The following MTCH2 variants were observed in gnomAD, a reference collection of about 807,000 sequenced individuals.
MTCH2 encodes mitochondrial carrier homolog 2.
In MTCH2, 25 loss-of-function variants were observed where a neutral mutation model predicts 50.6. The observed-to-expected ratio is 0.49, with a 90% CI of 0.36 to 0.69. MTCH2 has a LOEUF of 0.69. Among genes scored for constraint, MTCH2 ranks in the 30% least tolerant of loss-of-function variants. The probability of loss-of-function intolerance (pLI) is 0.00; values close to 1 mark genes in which losing one functional copy is unlikely to be tolerated. For missense variants in MTCH2, 273 were observed against 384.4 expected (o/e 0.71, Z 2.42); for synonymous variants, 106 against 132.0 (o/e 0.80, Z 1.35).
At chr11:47,631,885 T>C (rs1257697598) in intron 5 of MTCH2, among the ~76,000 whole-genome samples, 174 bp from the exon 6 acceptor site, 1 of 152,188 alleles carries the variant, frequency 6.6e-6, no homozygotes, top group Non-Finnish European at 1.5e-5. Context: ...TCATTCATTG[T>C]CATTTTATCA....
In MTCH2 at chr11:47,628,876, C is replaced by T. The variant is rs2097300482; in HGVS notation, c.633+77G>A. 3.0e-6 allele frequency: 4 copies of T among 1,346,038 alleles called. No homozygotes were observed. The South Asian group carries it at 3.6e-5, about 12-fold the overall frequency. 83.4% of individuals were successfully genotyped at this position (1,346,038 alleles called of 1,614,324 possible). A position where few individuals can be genotyped will look rare whatever the true frequency, so the allele number is the denominator to read the frequency against. ...TACAGGTGTGAGCCACCTCGCCCGG[C>T]CCATCTTACTTTAAAAGCTAATCTA... On this transcript the variant is annotated intron_variant, in intron 9 of 12. Coordinates refer to ENST00000302503, the MANE Select transcript of MTCH2 (RefSeq NM_014342.4).
intron 11 of MTCH2, among the ~76,000 whole-genome samples, chr11:47,623,333 C>G (rs2097295012): frequency 7.3e-6 from 1 of 136,712 alleles, no homozygotes; most frequent in Non-Finnish European, 1.5e-5. Context: ...GATTGCACTA[C>G]TGCACTCCAG....
At chr11:47,626,988 T>C in intron 10 of MTCH2, 92 bp downstream of exon 10, 1 of 951,136 alleles carries the variant, frequency 1.1e-6, no homozygotes, top group Non-Finnish European at 1.6e-6. Context: ...TCTGGTTATC[T>C]TAAAGCAGTG....
chr11:47,635,073 G>A (rs551067695), intron 4 of MTCH2, among the ~76,000 whole-genome samples: 10 of 150,362 alleles, frequency 6.7e-5, no homozygotes, highest in Non-Finnish European at 1.5e-4. Context: ...ATGGGCGGCC[G>A]ATCTTGACGG....
chr11:47,630,944 T>C lies in MTCH2; in HGVS notation c.479+92A>G, dbSNP rs200883945. The C allele has an allele frequency of 4.7e-5, 49 of 1,051,384 alleles. No homozygotes were observed. The East Asian group carries it at 1.1e-3, about 23-fold the overall frequency. 65.1% of individuals were successfully genotyped at this position (1,051,384 alleles called of 1,614,324 possible). On this transcript the variant is annotated intron_variant, in intron 7 of 12. Coordinates refer to ENST00000302503, the MANE Select transcript of MTCH2 (RefSeq NM_014342.4). ...ATCAGATACGAATTTGTTCTACAAA[T>C]TGTAAGGGTATCATAAAAATACAAA...
At position 47,634,722 on chromosome 11, in the gene MTCH2, C is replaced by T. The variant is rs763053876; in HGVS notation, c.319G>A (p.Gly107Arg). 2 of 1,606,022 alleles carry T rather than the reference C, an allele frequency of 1.2e-6. No homozygotes were observed. Among genetic ancestry groups the T allele is most frequent in the Non-Finnish European group, 1.7e-6 (2 of 1,175,276 alleles). The part of the protein sequence containing the change: ...ESDKGEELGP[G>R]NVQKEVSSSF... ...GATGAGACTTCTTTCTGTACATTTC[C>T]AGGTCCTAACTCCTGGAAATCAAAA... Residue 107 changes from glycine to arginine, a missense_variant, in exon 5 of 13, where the codon GGA becomes AGA. By Grantham distance (125) the Gly-to-Arg change is moderately radical. Transcript: ENST00000302503.
chr11:47,624,688 C>T (rs1402780071), intron 11 of MTCH2, among the ~76,000 whole-genome samples: 1 of 152,104 alleles, frequency 6.6e-6, no homozygotes, highest in East Asian at 1.9e-4. Flanking sequence ...CTCCCAACTA[C>T]TTGGGAAGCT....
downstream of MTCH2, among the ~76,000 whole-genome samples, chr11:47,617,095 C>CT (rs1210753186): frequency 3.5e-4 from 54 of 152,324 alleles, 1 homozygote; most frequent in South Asian, 2.5e-3. Flanking sequence ...GTATAGGACT[C>CT]TGACTAGACC....
At chr11:47,634,529 T>G in intron 5 of MTCH2, 143 bp downstream of exon 5, 1 of 599,280 alleles carries the variant, frequency 1.7e-6, no homozygotes, top group Non-Finnish European at 2.9e-6. Flanking sequence ...ATGTTATACA[T>G]GTAGTAAAGC....
the MTCH2 span, among the ~76,000 whole-genome samples, chr11:47,606,425 C>G: frequency 1.3e-5 from 2 of 152,170 alleles, no homozygotes; most frequent in Admixed American, 1.3e-4. Context: ...CAGTTTATCA[C>G]GGACTTCACC....
intron 8 of MTCH2, 105 bp downstream of exon 8, chr11:47,630,450 A>C (rs2097301992): frequency 1.9e-6 from 2 of 1,026,680 alleles, no homozygotes; most frequent in Admixed American, 1.8e-5. Flanking sequence ...AGGTAAGCCC[A>C]GGGAGTACGT....
chr11:47,606,987 C>T, the MTCH2 span, among the ~76,000 whole-genome samples: 1 of 152,230 alleles, frequency 6.6e-6, no homozygotes, highest in African/African-American at 2.4e-5. Flanking sequence ...GGGGACACGA[C>T]TTCCACGAGC....
At chr11:47,632,613 C>G (rs931765350) in intron 5 of MTCH2, among the ~76,000 whole-genome samples, 4 of 152,158 alleles carry the variant, frequency 2.6e-5, no homozygotes. Context: ...CCGCCTCGGC[C>G]TCCCAAACTG....
At chr11:47,630,477 A>C in intron 8 of MTCH2, 78 bp downstream of exon 8, 1 of 1,235,524 alleles carries the variant, frequency 8.1e-7, no homozygotes, top group Non-Finnish European at 1.2e-6. Flanking sequence ...CAAGGATTAA[A>C]CAAAGACTCA....
In MTCH2 at chr11:47,638,630, T is replaced by A. The variant is rs935798547; in HGVS notation, c.279+69A>T. On this transcript the variant is annotated intron_variant, in intron 3 of 12. Transcript: ENST00000302503. ...AATGTATCTTTTAAATTGCTCTTGA[T>A]ATTTAGAACAAACTATGCATAACAG... is the stretch of plus-strand genomic sequence containing the variant. 7 of 1,019,166 alleles carry A rather than the reference T, an allele frequency of 6.9e-6. No individual in the cohort carries two copies. The Admixed American group carries it at 1.9e-4, about 28-fold the overall frequency. 63.1% of individuals were successfully genotyped at this position (1,019,166 alleles called of 1,614,324 possible).
downstream of MTCH2, among the ~76,000 whole-genome samples, chr11:47,615,552 TA>T (rs1304133077): frequency 6.6e-6 from 1 of 151,932 alleles, no homozygotes; most frequent in Non-Finnish European, 1.5e-5. Context: ...AATAGGAAAT[TA>T]TAGTTAAGTC....
Position 47,618,715 on chromosome 11 carries a change from T to C in MTCH2, c.*118A>G. The C allele has an allele frequency of 1.9e-6, 2 of 1,069,614 alleles. No homozygotes were observed. Among genetic ancestry groups the C allele is most frequent in the South Asian group, 2.7e-5 (2 of 74,432 alleles). 66.3% of individuals were successfully genotyped at this position (1,069,614 alleles called of 1,614,324 possible). A position where few individuals can be genotyped will look rare whatever the true frequency, so the allele number is the denominator to read the frequency against. ...AAAGGCAGACACCAAACACCTGAATTTTCCCAAGATTAAATGATTATTAAA... is the reference window on the plus strand; with the variant it reads ...AAAGGCAGACACCAAACACCTGAATCTTCCCAAGATTAAATGATTATTAAA... On this transcript the variant is annotated 3_prime_UTR_variant, in exon 13 of 13. Transcript: ENST00000302503.
intron 6 of MTCH2, 111 bp downstream of exon 6, chr11:47,631,543 A>G (rs914030865): frequency 1.1e-5 from 12 of 1,044,216 alleles, no homozygotes; most frequent in South Asian, 1.1e-4. Flanking sequence ...ACAAGCAAGC[A>G]AACAAAAACA....
At chr11:47,627,915 G>A (rs770080514) in intron 9 of MTCH2, among the ~76,000 whole-genome samples, 2 of 152,058 alleles carry the variant, frequency 1.3e-5, no homozygotes, top group Non-Finnish European at 2.9e-5. Context: ...CTTTAGGGAC[G>A]AATGTAAAAG....
Sources: gnomAD v4.1 joint callset for allele counts (sites outside exome capture counted in the v4.1 genomes callset) on GRCh38, gnomAD v4.1.1 for gene constraint, MANE v1.5 for transcripts, NCBI Gene and HGNC (gene_info 2026-07-23, HGNC 2026-07-21) for gene names.